The following PAFAH1B1 variants were observed in gnomAD, a reference collection of about 807,000 sequenced individuals.
PAFAH1B1 encodes the protein platelet-activating factor acetylhydrolase IB subunit beta.
A neutral mutation model predicts 57.5 loss-of-function variants in PAFAH1B1; 2 were observed. The observed-to-expected ratio is 0.03, with a 90% CI of 0.01 to 0.11. The LOEUF (loss-of-function observed/expected upper bound fraction) is 0.11, where lower values mean the gene tolerates loss of function less well. PAFAH1B1 is among the 10% of genes least tolerant of loss of function. The probability of loss-of-function intolerance (pLI) is 1.00; values close to 1 mark genes in which losing one functional copy is unlikely to be tolerated. For synonymous variants in PAFAH1B1, 152 were observed against 169.6 expected (o/e 0.90, Z 0.81); for missense variants, 257 against 512.0 (o/e 0.50, Z 4.81).
At chr17:2,646,458 G>A (rs1276266058) in intron 2 of PAFAH1B1, among the ~76,000 whole-genome samples, 2 of 151,936 alleles carry the variant, frequency 1.3e-5, no homozygotes, top group African/African-American at 4.8e-5. Context: ...TTTGAGACCT[G>A]CCTGGCCAAC....
At chr17:2,672,613 G>A (rs759203616) in intron 6 of PAFAH1B1, 42 bp from the exon 7 acceptor site, 4 of 1,292,902 alleles carry the variant, frequency 3.1e-6, no homozygotes, top group Admixed American at 1.7e-5. Context: ...ATTGCTCTTG[G>A]TGGTATATTA....
At position 2,682,178 on chromosome 17, in the gene PAFAH1B1, G is replaced by C. The variant is rs1178902982; in HGVS notation, c.*376G>C. On this transcript the variant is annotated 3_prime_UTR_variant, in exon 11 of 11. Transcript: ENST00000397195. The stretch of plus-strand genomic sequence containing the variant: ...TCTGCTATCTGTTGGTGCCTGACTT[G>C]ATGGCCTCATTTGGGGAAAAGTGGT... 1 of 172,742 alleles carries C rather than the reference G, an allele frequency of 5.8e-6. No homozygotes were observed. The highest frequency in any genetic ancestry group is 1.2e-5 in the Non-Finnish European group (1 of 80,820). The allele number at this position is 172,742 out of a possible 1,614,324, so 10.7% of individuals were successfully genotyped here. A position where few individuals can be genotyped will look rare whatever the true frequency, so the allele number is the denominator to read the frequency against.
intron 6 of PAFAH1B1, among the ~76,000 whole-genome samples, chr17:2,671,846 G>A (rs1038625720): frequency 3.0e-4 from 45 of 151,454 alleles, no homozygotes; most frequent in African/African-American, 9.7e-4. Flanking sequence ...CAGGTGATCC[G>A]CCCGCCTCGG....
At chr17:2,609,052 G>A (rs2068236802) in intron 1 of PAFAH1B1, among the ~76,000 whole-genome samples, 1 of 152,098 alleles carries the variant, frequency 6.6e-6, no homozygotes, top group African/African-American at 2.4e-5. Flanking sequence ...TTAAAAACTA[G>A]CTGTTTTACA....
At chr17:2,605,954 A>G (rs752327943) in intron 1 of PAFAH1B1, among the ~76,000 whole-genome samples, 2 of 152,210 alleles carry the variant, frequency 1.3e-5, no homozygotes, top group Admixed American at 6.5e-5. Flanking sequence ...GTCTTTGGAC[A>G]CTAGGGAAGC....
intron 1 of PAFAH1B1, among the ~76,000 whole-genome samples, chr17:2,595,161 C>G (rs1229675244): frequency 6.6e-6 from 1 of 151,744 alleles, no homozygotes; most frequent in Non-Finnish European, 1.5e-5. Context: ...TCCCCCCTCC[C>G]TCTTTCCTTA....
At chr17:2,619,323 T>TA (rs1006012551) in intron 1 of PAFAH1B1, among the ~76,000 whole-genome samples, 5 of 151,892 alleles carry the variant, frequency 3.3e-5, no homozygotes, top group Non-Finnish European at 7.4e-5. Flanking sequence ...CCCGGCTAAT[T>TA]AAAAAAAATT....
At chr17:2,679,977 A>G in intron 9 of PAFAH1B1, 187 bp from the exon 10 acceptor site, 1 of 612,726 alleles carries the variant, frequency 1.6e-6, no homozygotes, top group Non-Finnish European at 2.9e-6. Flanking sequence ...CCAGTCAGGG[A>G]TCGTACGTTA....
chr17:2,638,695 A>G, intron 2 of PAFAH1B1: 1 of 234,492 alleles, frequency 4.3e-6, no homozygotes, highest in Non-Finnish European at 8.5e-6. Flanking sequence ...TTTAGTAGAG[A>G]TGGGCTTTCA....
intron 2 of PAFAH1B1, among the ~76,000 whole-genome samples, chr17:2,664,759 A>G (rs968975001): frequency 1.5e-4 from 23 of 151,362 alleles, no homozygotes; most frequent in African/African-American, 4.6e-4. Flanking sequence ...AGGGTACTCA[A>G]ACTGTAGAAG....
At chr17:2,670,090 C>G in intron 5 of PAFAH1B1, 73 bp from the exon 6 acceptor site, 3 of 1,274,016 alleles carry the variant, frequency 2.4e-6, no homozygotes, top group Non-Finnish European at 2.3e-6. Flanking sequence ...CCAGACTGGC[C>G]TGCTGAGTGC....
rs374496084 is a variant in PAFAH1B1, at chr17:2,673,159, A to G, written c.671+402A>G. ...GCAGTCACTTCGACTTTAACCCGGA[A>G]TGATCATTATGACAGTCATATTAAA... On this transcript the variant is annotated intron_variant, in intron 7 of 10. Transcript: ENST00000397195. Among the ~76,000 whole-genome samples the G allele has an allele frequency of 7.9e-5, 12 of 152,360 alleles. No individual in the cohort carries two copies. In the East Asian group the frequency reaches 2.1e-3, roughly 27 times the overall value.
intron 1 of PAFAH1B1, among the ~76,000 whole-genome samples, chr17:2,614,592 C>G (rs933672388): frequency 6.6e-6 from 1 of 151,996 alleles, no homozygotes; most frequent in Non-Finnish European, 1.5e-5. Context: ...TTTTTAAAGA[C>G]GACTTTTATA....
rs1451784292 is a variant in PAFAH1B1, at chr17:2,676,599, T to C, written c.995T>C (p.Met332Thr). ...GATGTCAGTACTGGCATGTGCCTTA[T>C]GACCCTCGTAAGTTTGCATAATCTT... The part of the protein sequence containing the change: ...MWDVSTGMCL[M>T]TLVGHDNWVR... Residue 332 changes from methionine (M) to threonine (T), a missense_variant, in exon 9 of 11, where the codon ATG becomes ACG. By Grantham distance (81) the Met-to-Thr change is moderately conservative. Coordinates refer to ENST00000397195, the MANE Select transcript of PAFAH1B1 (RefSeq NM_000430.4). 2 of 1,592,600 alleles carry C rather than the reference T, an allele frequency of 1.3e-6. No individual in the cohort carries two copies. The highest frequency in any genetic ancestry group is 1.7e-5 in the Admixed American group (1 of 60,002).
At chr17:2,678,030 G>A (rs1030158367) in intron 9 of PAFAH1B1, among the ~76,000 whole-genome samples, 1 of 151,934 alleles carries the variant, frequency 6.6e-6, no homozygotes, top group Non-Finnish European at 1.5e-5. Flanking sequence ...GCTGAGGCAG[G>A]TGGATCACCT....
chr17:2,652,198 C>T lies in PAFAH1B1; in HGVS notation c.33-13174C>T, dbSNP rs1448055276. Among the ~76,000 whole-genome samples the T allele has an allele frequency of 1.1e-4, 16 of 152,084 alleles. No individual in the cohort carries two copies. In the East Asian group the frequency reaches 3.1e-3, roughly 29 times the overall value. Reference sequence around the variant, plus strand: ...GGCCAAGGCGGGCAAATCACGAGGTCAGGAGATCGAGACCATCCTGGCTAA... The same window carrying T: ...GGCCAAGGCGGGCAAATCACGAGGTTAGGAGATCGAGACCATCCTGGCTAA... On this transcript the variant is annotated intron_variant, in intron 2 of 10. Transcript: ENST00000397195.
rs2069390167 is a variant in PAFAH1B1, at chr17:2,681,893, A to G, written c.*91A>G. 1.1e-6 allele frequency: 1 copy of G among 878,464 alleles called. No homozygotes were observed. Among genetic ancestry groups the G allele is most frequent in the Non-Finnish European group, 1.8e-6 (1 of 556,216 alleles). The allele number at this position is 878,464 out of a possible 1,614,324, so 54.4% of individuals were successfully genotyped here. A position where few individuals can be genotyped will look rare whatever the true frequency, so the allele number is the denominator to read the frequency against. On this transcript the variant is annotated 3_prime_UTR_variant, in exon 11 of 11. Coordinates refer to ENST00000397195, the MANE Select transcript of PAFAH1B1 (RefSeq NM_000430.4). ...CCCATTGAGCTCTGTTTAAATAAAT[A>G]TTGTCCTTTCATGTAAATTATTCTG...
At chr17:2,598,722 C>T (rs75856273) in intron 1 of PAFAH1B1, among the ~76,000 whole-genome samples, 1 of 151,858 alleles carries the variant, frequency 6.6e-6, no homozygotes, top group South Asian at 2.1e-4. Context: ...AAATTGAATC[C>T]TCGTCATTGA....
chr17:2,607,490 C>CTTTTTT (rs984009285), intron 1 of PAFAH1B1, among the ~76,000 whole-genome samples: 6 of 143,632 alleles, frequency 4.2e-5, no homozygotes, highest in Non-Finnish European at 7.7e-5. Flanking sequence ...TTTTCTTTTT[C>CTTTTTT]TTTTTTTTTT....
Sources: allele counts gnomAD v4.1 joint callset (sites outside exome capture counted in the v4.1 genomes callset), GRCh38; gene constraint gnomAD v4.1.1; transcripts MANE v1.5; gene names NCBI Gene and HGNC (gene_info 2026-07-23, HGNC 2026-07-21).